Variants in AGK observed in about 807,000 individuals in gnomAD.
The protein encoded by AGK is acylglycerol kinase, mitochondrial.
AGK carries 52 observed loss-of-function variants against 66.4 expected under a neutral mutation model. That is an observed-to-expected ratio of 0.78 (90% CI 0.63 to 0.99). AGK has a LOEUF of 0.99. Ranked by LOEUF, AGK falls within the 50% of genes least tolerant of loss-of-function variation. The pLI is 0.00. For synonymous variants in AGK, 182 were observed against 181.1 expected, an observed-to-expected ratio of 1.00 and a Z score of -0.04; for missense variants, 451 against 506.6, an observed-to-expected ratio of 0.89 and a Z score of 1.05.
intron 6 of AGK, among the ~76,000 whole-genome samples, chr7:141,613,492 G>A (rs1587128589): frequency 1.3e-5 from 2 of 152,196 alleles, no homozygotes; most frequent in South Asian, 4.1e-4. Flanking sequence ...GGTGGTGGGT[G>A]CTTGTAATCC....
At chr7:141,619,452 T>C (rs1796777721) in intron 8 of AGK, among the ~76,000 whole-genome samples, 2 of 152,084 alleles carry the variant, frequency 1.3e-5, no homozygotes, top group African/African-American at 4.8e-5. Flanking sequence ...AAAAGACAGT[T>C]TTTTTCAACA....
intron 9 of AGK, among the ~76,000 whole-genome samples, chr7:141,628,920 C>T (rs1796998512): frequency 6.6e-6 from 1 of 152,118 alleles, no homozygotes; most frequent in Non-Finnish European, 1.5e-5. Flanking sequence ...TTATAGAATT[C>T]TTTGTAGCTT....
At chr7:141,612,047 A>G (rs1168400064) in intron 6 of AGK, among the ~76,000 whole-genome samples, 1 of 152,246 alleles carries the variant, frequency 6.6e-6, no homozygotes, top group Non-Finnish European at 1.5e-5. Flanking sequence ...AGCATTATTC[A>G]TAATTACCAA....
chr7:141,646,150 A>T (rs1407334468), intron 13 of AGK, among the ~76,000 whole-genome samples: 1 of 152,164 alleles, frequency 6.6e-6, no homozygotes, highest in Non-Finnish European at 1.5e-5. Context: ...TAGAATTGCA[A>T]GGCAGGATAC....
chr7:141,595,241 A>G (rs955291429), intron 3 of AGK, among the ~76,000 whole-genome samples: 52 of 152,190 alleles, frequency 3.4e-4, no homozygotes, highest in African/African-American at 1.2e-3. Context: ...TCTTACTACC[A>G]TAGGTGTGGA....
Position 141,652,803 on chromosome 7 carries a change from T to C in AGK, c.1148T>C (p.Phe383Ser), listed in dbSNP as rs1179769179. 1.9e-5 allele frequency: 31 copies of C among 1,613,398 alleles called. No individual in the cohort carries two copies. The highest frequency in any genetic ancestry group is 2.5e-5 in the Non-Finnish European group (30 of 1,179,994). ...LLIPEGAGGS[F>S]SIDSEEYEAM... ...TCTCCCCAGGGAGCAGGGGGCTCTT[T>C]TAGCATTGACAGTGAGGAGTATGAA... The change falls in exon 16 of 16, where the codon TTT becomes TCT. Residue 383 changes from phenylalanine (F) to serine (S), a missense_variant. Transcript: ENST00000649286.
intron 2 of AGK, among the ~76,000 whole-genome samples, chr7:141,583,727 G>A (rs941862000): frequency 3.2e-4 from 49 of 152,030 alleles, no homozygotes; most frequent in African/African-American, 1.0e-3. Context: ...GACTGGTGCC[G>A]GAGTTTTGGG....
intron 5 of AGK, among the ~76,000 whole-genome samples, chr7:141,607,795 T>C (rs1436565415): frequency 6.6e-6 from 1 of 152,116 alleles, no homozygotes; most frequent in Non-Finnish European, 1.5e-5. Flanking sequence ...TTTTGAAAAG[T>C]GTAAGGTTAG....
chr7:141,570,024 T>G (rs772342340), intron 2 of AGK, among the ~76,000 whole-genome samples: 1 of 152,226 alleles, frequency 6.6e-6, no homozygotes. Flanking sequence ...ACTTCACTTT[T>G]ATTTACCTGT....
At chr7:141,591,341 C>T (rs1796112897) in intron 2 of AGK, among the ~76,000 whole-genome samples, 2 of 152,028 alleles carry the variant, frequency 1.3e-5, no homozygotes, top group South Asian at 4.2e-4. Context: ...GATCTGCCCA[C>T]CTTGTCCTCC....
intron 2 of AGK, among the ~76,000 whole-genome samples, chr7:141,562,395 G>T (rs1795369655): frequency 6.6e-6 from 1 of 152,216 alleles, no homozygotes. Flanking sequence ...CTCAGGCGAT[G>T]GGTGGGGCCA....
intron 5 of AGK, 92 bp downstream of exon 5, chr7:141,601,372 C>T: frequency 1.0e-6 from 1 of 972,962 alleles, no homozygotes; most frequent in South Asian, 1.5e-5. Flanking sequence ...TTGCTTGTCA[C>T]AAGAGCAAAG....
chr7:141,595,756 A>G (rs1188850218), intron 3 of AGK, among the ~76,000 whole-genome samples: 4 of 152,074 alleles, frequency 2.6e-5, no homozygotes, highest in Admixed American at 6.5e-5. Flanking sequence ...GTTCCCATTC[A>G]TTTCTCATTT....
chr7:141,583,698 A>T lies in AGK; in HGVS notation c.102-9448A>T, dbSNP rs754372173. 1.3e-4 allele frequency among the ~76,000 whole-genome samples: 19 copies of T among 151,960 alleles called. 1 individual carries two copies. Among genetic ancestry groups the T allele is most frequent in the Non-Finnish European group, 1.6e-4 (11 of 68,022 alleles). On this transcript the variant is annotated intron_variant, in intron 2 of 15. Coordinates refer to ENST00000649286, the MANE Select transcript of AGK (RefSeq NM_018238.4). Reference sequence around the variant, plus strand: ...CACAGTGATTAAACACCAAGGGAAGATTGTCTTCCTGCGTCCGTGACTGGT... The same window carrying T: ...CACAGTGATTAAACACCAAGGGAAGTTTGTCTTCCTGCGTCCGTGACTGGT...
intron 13 of AGK, among the ~76,000 whole-genome samples, chr7:141,646,755 A>G (rs1797421821): frequency 6.6e-6 from 1 of 152,222 alleles, no homozygotes; most frequent in African/African-American, 2.4e-5. Flanking sequence ...ATTTTACTGG[A>G]ACACAGGCAG....
chr7:141,606,810 CCT>C (rs1307626241), intron 5 of AGK, among the ~76,000 whole-genome samples: 1 of 152,120 alleles, frequency 6.6e-6, no homozygotes, highest in Non-Finnish European at 1.5e-5. Context: ...TCCTAAAAAT[CCT>C]CTCTGTTCTT....
At chr7:141,593,241 A>T in intron 3 of AGK, 56 bp downstream of exon 3, 1 of 1,517,158 alleles carries the variant, frequency 6.6e-7, no homozygotes, top group South Asian at 1.1e-5. Flanking sequence ...TTGTGCAGAA[A>T]ACTTAAGCTC....
chr7:141,578,560 T>C (rs1038754191), intron 2 of AGK, among the ~76,000 whole-genome samples: 2 of 151,572 alleles, frequency 1.3e-5, no homozygotes, highest in Non-Finnish European at 2.9e-5. Flanking sequence ...GGGGGTGGCA[T>C]GGAGAGATAA....
At position 141,654,602 on chromosome 7, in the gene AGK, T is replaced by C. The variant is rs1797646076; in HGVS notation, c.*1678T>C. On this transcript the variant is annotated 3_prime_UTR_variant, in exon 16 of 16. Transcript: ENST00000649286. ...AGCCAGTCATTAGCACCATTTACTT[T>C]TACTATCGCTGACATTTTCCTTTGT... 6.6e-6 allele frequency: 1 copy of C among 152,256 alleles called. No individual in the cohort carries two copies. Among genetic ancestry groups the C allele is most frequent in the Non-Finnish European group, 1.5e-5 (1 of 68,058 alleles). 9.4% of individuals were successfully genotyped at this position (152,256 alleles called of 1,614,324 possible).
Sources: gnomAD v4.1 joint callset for allele counts (sites outside exome capture counted in the v4.1 genomes callset) on GRCh38, gnomAD v4.1.1 for gene constraint, MANE v1.5 for transcripts, NCBI Gene and HGNC (gene_info 2026-07-23, HGNC 2026-07-21) for gene names.